Variants in ZNF674 observed in about 807,000 individuals in gnomAD.
ZNF674 encodes the protein zinc finger protein 674.
A neutral mutation model predicts 7.0 loss-of-function variants in ZNF674; 2 were observed. The observed-to-expected ratio is 0.29, with a 90% CI of 0.12 to 0.90. The LOEUF is 0.90. ZNF674 is among the 40% of genes least tolerant of loss of function. The pLI is 0.57. For synonymous variants in ZNF674, 103 were observed against 145.2 expected, an observed-to-expected ratio of 0.71 and a Z score of 2.09; for missense variants, 297 against 415.5, an observed-to-expected ratio of 0.71 and a Z score of 2.48.
chrX:46,535,404 T>TC (rs1420894949), intron 3 of ZNF674, among the ~76,000 whole-genome samples: 1 of 111,462 alleles, frequency 9.0e-6, no homozygotes, highest in African/African-American at 3.3e-5. Context: ...GCCTCAGCCT[T>TC]CCAAGTGCTG....
chrX:46,545,192 T>G (rs965954309), intron 1 of ZNF674, among the ~76,000 whole-genome samples, 179 bp downstream of exon 1: 2 of 110,429 alleles, frequency 1.8e-5, no homozygotes, highest in Admixed American at 1.9e-4. Flanking sequence ...CTCAATCAAT[T>G]AGTCACTCGC....
intron 5 of ZNF674, among the ~76,000 whole-genome samples, chrX:46,525,910 A>G (rs992814190): frequency 2.7e-5 from 3 of 112,139 alleles, no homozygotes; most frequent in African/African-American, 9.7e-5. Context: ...AAGAACAAAA[A>G]AAGCTGGTAT....
chrX:46,518,786 T>C (rs1321564844), intron 5 of ZNF674, among the ~76,000 whole-genome samples: 1 of 108,317 alleles, frequency 9.2e-6, no homozygotes, highest in African/African-American at 3.4e-5. Flanking sequence ...CTCGGGAGGC[T>C]GAGGCTGGAG....
intron 5 of ZNF674, among the ~76,000 whole-genome samples, chrX:46,516,700 T>C (rs1941771403): frequency 8.9e-6 from 1 of 112,379 alleles, no homozygotes; most frequent in Admixed American, 9.5e-5. Context: ...CTGATAAAGA[T>C]GAAAAGCAAT....
chrX:46,541,273 A>G (rs776720880), intron 3 of ZNF674, among the ~76,000 whole-genome samples: 3 of 107,051 alleles, frequency 2.8e-5, no homozygotes, highest in East Asian at 5.8e-4. Context: ...AGGCAGGAAA[A>G]TCGCTTGAAC....
intron 5 of ZNF674, among the ~76,000 whole-genome samples, chrX:46,505,677 A>G (rs1941521344): frequency 1.8e-5 from 2 of 110,910 alleles, no homozygotes; most frequent in African/African-American, 6.6e-5. Context: ...AGGCTGAGGC[A>G]GGAAAACCGC....
chrX:46,500,437 A>G lies in ZNF674; in HGVS notation c.1137T>C (p.Ile379=). ...TTTTCCCACATTTACTACACTCATA[A>G]ATGTTCTCTTTTGTATGAGTTCTCC... is the stretch of plus-strand genomic sequence containing the variant. The part of the protein sequence containing the change: ...KHWRTHTKEN[I]YECSKCGKSF... The change falls in exon 6 of 6, where the codon ATT becomes ATC. Residue 379 remains isoleucine (I), a synonymous_variant. Coordinates refer to ENST00000683375, the MANE Select transcript of ZNF674 (RefSeq NM_001190417.2). 8.3e-7 allele frequency: 1 copy of G among 1,210,926 alleles called. No homozygotes were observed. The highest frequency in any genetic ancestry group is 1.1e-6 in the Non-Finnish European group (1 of 894,949).
At chrX:46,535,694 T>C (rs1314675826) in intron 3 of ZNF674, among the ~76,000 whole-genome samples, 2 of 111,886 alleles carry the variant, frequency 1.8e-5, no homozygotes, top group Admixed American at 1.9e-4. Flanking sequence ...ACCAAAGAAG[T>C]TATAAACTAT....
chrX:46,502,757 G>A lies in ZNF674; in HGVS notation c.239-1422C>T, dbSNP rs781321877. Among the ~76,000 whole-genome samples the A allele has an allele frequency of 4.5e-5, 5 of 112,174 alleles. No homozygotes were observed. In the South Asian group the frequency reaches 1.8e-3, roughly 41 times the overall value. On this transcript the variant is annotated intron_variant, in intron 5 of 5. Coordinates refer to ENST00000683375, the MANE Select transcript of ZNF674 (RefSeq NM_001190417.2). ...GCATAAGGAAGTTAGAGTGTGCTCT[G>A]TATTCATGACAGGCAGACAGCATAA...
In ZNF674 at chrX:46,500,238, C is replaced by T. The variant is rs373268159; in HGVS notation, c.1336G>A (p.Gly446Arg). 5.0e-5 allele frequency: 60 copies of T among 1,205,109 alleles called. No homozygotes were observed. The African/African-American group carries it at 9.3e-4, about 19-fold the overall frequency. The part of the protein sequence containing the change: ...YECRRCGKAF[G>R]EKSTLIVHQR... ...TGTACAATAAGGGTTGACTTCTCCC[C>T]AAAGGCTTTCCCACATCTTCTGCAT... Residue 446 changes from glycine to arginine, a missense_variant, in exon 6 of 6, where the codon GGG (glycine) becomes AGG (arginine). Transcript: ENST00000683375.
At chrX:46,538,131 ATATC>A (rs1056136143) in intron 3 of ZNF674, among the ~76,000 whole-genome samples, 2 of 111,289 alleles carry the variant, frequency 1.8e-5, no homozygotes, top group Non-Finnish European at 3.8e-5. Context: ...AGTTATCCAT[ATATC>A]CTCCTAAATT....
chrX:46,528,686 C>A (rs1439059528), intron 4 of ZNF674, 97 bp downstream of exon 4: 2 of 1,160,794 alleles, frequency 1.7e-6, no homozygotes, highest in African/African-American at 1.8e-5. Flanking sequence ...GGGTGGTAAC[C>A]CACACTCATT....
At chrX:46,541,065 A>G (rs1259572292) in intron 3 of ZNF674, among the ~76,000 whole-genome samples, 2 of 96,974 alleles carry the variant, frequency 2.1e-5, no homozygotes. Flanking sequence ...ACTCCATTTA[A>G]AAAAAAAAAA....
At chrX:46,507,684 T>C (rs774546100) in intron 5 of ZNF674, among the ~76,000 whole-genome samples, 5 of 111,902 alleles carry the variant, frequency 4.5e-5, no homozygotes, top group African/African-American at 9.7e-5. Flanking sequence ...AACAAATTTA[T>C]GGTATAATCA....
At chrX:46,514,305 T>C (rs1011230163) in intron 5 of ZNF674, among the ~76,000 whole-genome samples, 1 of 110,497 alleles carries the variant, frequency 9.1e-6, no homozygotes, top group Admixed American at 9.7e-5. Context: ...GTCTTTCATG[T>C]AGAAAAACTA....
chrX:46,542,945 T>C (rs1942316967), intron 2 of ZNF674, among the ~76,000 whole-genome samples: 1 of 103,514 alleles, frequency 9.7e-6, no homozygotes. Context: ...AAACAGCATT[T>C]ATTCTTTTTT....
intron 5 of ZNF674, among the ~76,000 whole-genome samples, chrX:46,510,076 G>A (rs1410793163): frequency 1.0e-5 from 1 of 100,079 alleles, no homozygotes; most frequent in East Asian, 3.3e-4. Context: ...ACTCATAGGT[G>A]GGAATTGAAC....
intron 5 of ZNF674, among the ~76,000 whole-genome samples, chrX:46,524,653 C>T (rs763338538): frequency 2.3e-4 from 24 of 104,966 alleles, no homozygotes; most frequent in African/African-American, 8.1e-4. Flanking sequence ...CGTGCCACTG[C>T]ACTCCAGCCT....
intron 5 of ZNF674, among the ~76,000 whole-genome samples, chrX:46,504,289 T>C (rs780379349): frequency 9.0e-6 from 1 of 111,260 alleles, no homozygotes; most frequent in South Asian, 3.7e-4. Context: ...AGTATCAGCA[T>C]AAAGCTCAAA....
Sources: gnomAD v4.1 joint callset for allele counts (sites outside exome capture counted in the v4.1 genomes callset) on GRCh38, gnomAD v4.1.1 for gene constraint, MANE v1.5 for transcripts, NCBI Gene and HGNC (gene_info 2026-07-23, HGNC 2026-07-21) for gene names.